The following CNTRL variants were observed in gnomAD, a reference collection of about 807,000 sequenced individuals.
The protein encoded by CNTRL is 110 kDa centrosomal protein.
A neutral mutation model predicts 303.7 loss-of-function variants in CNTRL; 233 were observed. The ratio of observed to expected loss-of-function variants is 0.77; its 90% CI spans 0.69 to 0.86. CNTRL has a LOEUF of 0.86. CNTRL is among the 40% of genes least tolerant of loss of function. The pLI is 0.00. For synonymous variants in CNTRL, 900 were observed against 922.2 expected (o/e 0.98, Z 0.44); for missense variants, 2,524 against 2,650.6 (o/e 0.95, Z 1.05).
chr9:121,141,327 C>A, intron 17 of CNTRL, 54 bp from the exon 18 acceptor site: 2 of 1,362,922 alleles, frequency 1.5e-6, no homozygotes, highest in Non-Finnish European at 2.1e-6. Context: ...ATGTTTGCAG[C>A]CAGCATCAAA....
rs2053569881 is a variant in CNTRL at position 121,177,415 on chromosome 9, T to C, written c.*229T>C. ...ATGGGAATTTAAACCAACATGTGGC[T>C]GAGCCTTTTTTTTTTTAATCTTCGT... On this transcript the variant is annotated 3_prime_UTR_variant, in exon 44 of 44. Coordinates refer to ENST00000373855, the MANE Select transcript of CNTRL (RefSeq NM_007018.6). 2.4e-6 allele frequency: 1 copy of C among 419,528 alleles called. No homozygotes were observed. Among genetic ancestry groups the C allele is most frequent in the Admixed American group, 4.4e-5 (1 of 22,692 alleles). The allele number at this position is 419,528 out of a possible 1,614,324, so 26.0% of individuals were successfully genotyped here.
intron 5 of CNTRL, among the ~76,000 whole-genome samples, chr9:121,095,237 A>G (rs953792281): frequency 4.6e-5 from 7 of 152,340 alleles, no homozygotes; most frequent in African/African-American, 1.7e-4. Flanking sequence ...TAGCATTATC[A>G]AAGAGATATA....
rs771434423 is a variant in CNTRL at position 121,113,471 on chromosome 9, T to C, written c.1123-31T>C. ...CATTTGACTGCTTGGAGATCACTTATTAAACCATAAATCTATTATTTTGCT... is the reference window on the plus strand; with the variant it reads ...CATTTGACTGCTTGGAGATCACTTACTAAACCATAAATCTATTATTTTGCT... On this transcript the variant is annotated intron_variant, in intron 9 of 43. Transcript: ENST00000373855. 214 of 1,289,568 alleles carry C rather than the reference T, an allele frequency of 1.7e-4. 6 individuals are homozygous for C. In the South Asian group the frequency reaches 2.6e-3, roughly 16 times the overall value. 79.9% of individuals were successfully genotyped at this position (1,289,568 alleles called of 1,614,324 possible).
chr9:121,177,071 C>G (rs2053558124), intron 43 of CNTRL, 92 bp from the exon 44 acceptor site: 1 of 1,009,660 alleles, frequency 9.9e-7, no homozygotes, highest in Admixed American at 1.9e-5. Context: ...TCAAATATGT[C>G]ATTTACCTAT....
chr9:121,163,319 C>CA (rs56957428), intron 34 of CNTRL, among the ~76,000 whole-genome samples: 11 of 143,132 alleles, frequency 7.7e-5, no homozygotes, highest in African/African-American at 2.9e-4. Context: ...GACCCTGTTT[C>CA]AAAAAAAAAA....
intron 28 of CNTRL, 22 bp from the exon 29 acceptor site, chr9:121,157,718 G>A (rs750052787): frequency 1.9e-6 from 3 of 1,611,948 alleles, no homozygotes; most frequent in Admixed American, 3.4e-5. Flanking sequence ...GGACCTGGGG[G>A]GAATAAAGCA....
intron 12 of CNTRL, chr9:121,121,691 CT>C: frequency 1.5e-6 from 1 of 680,356 alleles, no homozygotes; most frequent in Non-Finnish European, 1.8e-6. Context: ...TGGGAGCTTC[CT>C]GTGTTATGAT....
At chr9:121,091,113 G>A (rs1188620978) in intron 4 of CNTRL, among the ~76,000 whole-genome samples, 1 of 152,144 alleles carries the variant, frequency 6.6e-6, no homozygotes, top group Non-Finnish European at 1.5e-5. Flanking sequence ...ACAACACATG[G>A]GAATTCAAGA....
chr9:121,078,964 A>AT (rs1199256072), intron 1 of CNTRL, among the ~76,000 whole-genome samples: 1 of 152,120 alleles, frequency 6.6e-6, no homozygotes, highest in Admixed American at 6.5e-5. Context: ...TGGAGGCTTC[A>AT]TTATGTAGGC....
At chr9:121,099,282 G>A (rs929302913) in intron 7 of CNTRL, among the ~76,000 whole-genome samples, 1 of 152,278 alleles carries the variant, frequency 6.6e-6, no homozygotes, top group Non-Finnish European at 1.5e-5. Flanking sequence ...TGATACCCAG[G>A]CAAACAGGGT....
intron 36 of CNTRL, among the ~76,000 whole-genome samples, 197 bp downstream of exon 36, chr9:121,166,377 C>T (rs899811853): frequency 1.3e-5 from 2 of 152,162 alleles, no homozygotes; most frequent in Admixed American, 6.5e-5. Flanking sequence ...AGCCTTAGAA[C>T]TCTTGATACA....
In CNTRL at chr9:121,152,412, C is replaced by T. The variant is rs560261551; in HGVS notation, c.3964-73C>T. 8.8e-6 allele frequency: 11 copies of T among 1,252,216 alleles called. No individual in the cohort carries two copies. In the East Asian group the frequency reaches 2.3e-4, roughly 26 times the overall value. 77.6% of individuals were successfully genotyped at this position (1,252,216 alleles called of 1,614,324 possible). A position where few individuals can be genotyped will look rare whatever the true frequency, so the allele number is the denominator to read the frequency against. ...ATACCACTTTAACCACAGTTAATTT[C>T]AGCTTTTGGCAGGAAAGAGAGGAAA... On this transcript the variant is annotated intron_variant, in intron 25 of 43. Coordinates refer to ENST00000373855, the MANE Select transcript of CNTRL (RefSeq NM_007018.6).
rs755597764 is a variant in CNTRL at position 121,162,153 on chromosome 9, G to C, written c.5305G>C (p.Glu1769Gln). ...CCTTGAGAGGGATAAACGAGAAATA[G>C]AACGAATGACTGCTGAGTCCCGAGC... ...QLLERDKREI[E>Q]RMTAESRALQ... Residue 1769 changes from glutamate to glutamine, a missense_variant, in exon 34 of 44, where the codon GAA becomes CAA. By Grantham distance (29) the Glu-to-Gln change is conservative. Transcript: ENST00000373855. 1 of 1,614,046 alleles carries C rather than the reference G, an allele frequency of 6.2e-7. No individual in the cohort carries two copies. The highest frequency in any genetic ancestry group is 8.5e-7 in the Non-Finnish European group (1 of 1,180,020).
intron 30 of CNTRL, 168 bp from the exon 31 acceptor site, chr9:121,158,687 A>C: frequency 1.6e-6 from 1 of 630,738 alleles, no homozygotes; most frequent in East Asian, 2.6e-5. Flanking sequence ...ATGTGAGCTC[A>C]AGGTTTTCAT....
At chr9:121,171,252 C>G (rs1027558042) in intron 39 of CNTRL, 156 bp from the exon 40 acceptor site, 2 of 756,072 alleles carry the variant, frequency 2.6e-6, no homozygotes, top group African/African-American at 3.5e-5. Flanking sequence ...TGTATTTGAT[C>G]TGCCCATGAA....
intron 25 of CNTRL, chr9:121,150,774 A>C (rs1588271476): frequency 1.7e-5 from 6 of 345,668 alleles, no homozygotes; most frequent in African/African-American, 8.4e-5. Context: ...AAAAACAAAA[A>C]TACCATGTAC....
intron 11 of CNTRL, 37 bp downstream of exon 11, chr9:121,115,237 G>GA (rs1259605543): frequency 1.7e-6 from 2 of 1,168,420 alleles, no homozygotes; most frequent in African/African-American, 1.6e-5. Context: ...AAGAGGAAAT[G>GA]AAAAATGAAA....
chr9:121,136,944 T>C (rs2051231596), intron 15 of CNTRL, among the ~76,000 whole-genome samples: 1 of 152,084 alleles, frequency 6.6e-6, no homozygotes, highest in African/African-American at 2.4e-5. Context: ...TGATGGCTGA[T>C]GGATGAGTAG....
At chr9:121,166,085 C>T in intron 35 of CNTRL, 22 bp from the exon 36 acceptor site, 5 of 1,575,004 alleles carry the variant, frequency 3.2e-6, no homozygotes, top group South Asian at 1.1e-5. Context: ...TTTCTTATTT[C>T]ATGAGAATGT....
Sources: allele counts gnomAD v4.1 joint callset (sites outside exome capture counted in the v4.1 genomes callset), GRCh38; gene constraint gnomAD v4.1.1; transcripts MANE v1.5; gene names NCBI Gene and HGNC (gene_info 2026-07-23, HGNC 2026-07-21).